SPTLC3: variants seen among roughly 807,000 people sequenced by gnomAD.
The protein encoded by SPTLC3 is serine palmitoyltransferase 3.
A neutral mutation model predicts 59.3 loss-of-function variants in SPTLC3; 36 were observed. The ratio of observed to expected loss-of-function variants is 0.61; its 90% confidence interval spans 0.47 to 0.80. SPTLC3 has a LOEUF of 0.80. SPTLC3 is among the 30% of genes least tolerant of loss of function. SPTLC3 has a pLI of 0.00. For missense variants in SPTLC3, 625 were observed against 685.1 expected, an observed-to-expected ratio of 0.91 and a Z score of 0.98; for synonymous variants, 257 against 240.8, an observed-to-expected ratio of 1.07 and a Z score of -0.62.
At chr20:13,017,119 G>C (rs2122371560) in intron 1 of SPTLC3, among the ~76,000 whole-genome samples, 1 of 152,312 alleles carries the variant, frequency 6.6e-6, no homozygotes. Flanking sequence ...GGGGCCAGCA[G>C]ACACAGCCTT....
intron 10 of SPTLC3, among the ~76,000 whole-genome samples, chr20:13,157,963 A>T (rs955728216): frequency 2.6e-5 from 4 of 152,244 alleles, no homozygotes; most frequent in Non-Finnish European, 5.9e-5. Context: ...TATAGTCTGT[A>T]GCCAGTTATC....
intron 2 of SPTLC3, among the ~76,000 whole-genome samples, chr20:13,057,083 A>G (rs770512061): frequency 5.9e-5 from 9 of 152,190 alleles, no homozygotes; most frequent in Non-Finnish European, 1.3e-4. Context: ...TACATCTGAT[A>G]GTATTCTTGC....
intron 11 of SPTLC3, 60 bp downstream of exon 11, chr20:13,160,192 C>A: frequency 6.5e-7 from 1 of 1,526,938 alleles, no homozygotes; most frequent in Non-Finnish European, 8.9e-7. Context: ...AAAGCAAGTC[C>A]TTTTGTTGAG....
At chr20:13,148,839 T>C (rs1276170727) in intron 9 of SPTLC3, among the ~76,000 whole-genome samples, 1 of 152,220 alleles carries the variant, frequency 6.6e-6, no homozygotes, top group Non-Finnish European at 1.5e-5. Context: ...GAGGTGGCAC[T>C]GAGGCTGCAG....
intron 2 of SPTLC3, among the ~76,000 whole-genome samples, chr20:13,068,164 G>T (rs948512684): frequency 6.6e-6 from 1 of 152,064 alleles, no homozygotes; most frequent in African/African-American, 2.4e-5. Context: ...CAAATATAAA[G>T]ATTGAAAAAT....
intron 9 of SPTLC3, among the ~76,000 whole-genome samples, chr20:13,141,156 C>T (rs1366457229): frequency 3.3e-5 from 5 of 152,212 alleles, no homozygotes; most frequent in Non-Finnish European, 1.5e-5. Flanking sequence ...GGAATTTTCT[C>T]TTTCCTACTG....
chr20:13,009,636 A>G (rs1393025345), intron 1 of SPTLC3, among the ~76,000 whole-genome samples: 2 of 152,212 alleles, frequency 1.3e-5, no homozygotes, highest in Non-Finnish European at 2.9e-5. Flanking sequence ...TAAAATACAA[A>G]TGTACCTACT....
chr20:13,034,031 G>C (rs1014001346), intron 1 of SPTLC3, among the ~76,000 whole-genome samples: 1 of 152,146 alleles, frequency 6.6e-6, no homozygotes, highest in Non-Finnish European at 1.5e-5. Context: ...AGCAGGGTGT[G>C]AAGTGAGAGC....
chr20:13,014,421 C>T (rs1213484243), intron 1 of SPTLC3, among the ~76,000 whole-genome samples: 1 of 152,130 alleles, frequency 6.6e-6, no homozygotes, highest in Non-Finnish European at 1.5e-5. Context: ...AAAGGCATTC[C>T]AGCAGAGGGA....
At chr20:13,155,686 C>A (rs936336933) in intron 10 of SPTLC3, among the ~76,000 whole-genome samples, 1 of 151,562 alleles carries the variant, frequency 6.6e-6, no homozygotes, top group Admixed American at 6.6e-5. Flanking sequence ...ACTAGCCGGG[C>A]GTGGTGGTGG....
intron 10 of SPTLC3, among the ~76,000 whole-genome samples, chr20:13,155,364 G>A (rs1280477197): frequency 6.6e-6 from 1 of 152,130 alleles, no homozygotes; most frequent in Non-Finnish European, 1.5e-5. Context: ...CTAATAGCCT[G>A]ACTAGATTGG....
chr20:13,123,372 T>G (rs969981910), intron 8 of SPTLC3, among the ~76,000 whole-genome samples: 1 of 152,104 alleles, frequency 6.6e-6, no homozygotes, highest in African/African-American at 2.4e-5. Context: ...ATTCACTGTT[T>G]CACTGTGTAC....
chr20:13,116,800 C>T (rs547866457), intron 7 of SPTLC3, among the ~76,000 whole-genome samples: 11 of 152,326 alleles, frequency 7.2e-5, no homozygotes, highest in East Asian at 3.9e-4. Flanking sequence ...CAAAAATGCA[C>T]GTTCTCAGCC....
intron 6 of SPTLC3, among the ~76,000 whole-genome samples, chr20:13,104,710 G>A (rs1040640571): frequency 3.3e-5 from 5 of 152,254 alleles, no homozygotes; most frequent in African/African-American, 1.2e-4. Flanking sequence ...TTTTAAGTCC[G>A]TGGTGTGTCA....
intron 9 of SPTLC3, among the ~76,000 whole-genome samples, chr20:13,143,886 A>G (rs2038444687): frequency 1.3e-5 from 2 of 151,962 alleles, no homozygotes; most frequent in African/African-American, 4.8e-5. Context: ...CTCCTCGCCC[A>G]TTTCAGACAT....
chr20:13,071,746 G>C (rs1988444098), intron 2 of SPTLC3, among the ~76,000 whole-genome samples: 1 of 152,180 alleles, frequency 6.6e-6, no homozygotes, highest in African/African-American at 2.4e-5. Flanking sequence ...CCTCAGCTGT[G>C]AGAGAGGCCC....
At chr20:13,105,611 G>A (rs1310456965) in intron 6 of SPTLC3, among the ~76,000 whole-genome samples, 4 of 152,096 alleles carry the variant, frequency 2.6e-5, no homozygotes, top group African/African-American at 9.7e-5. Context: ...AGTGGCCTCT[G>A]AATTTACATA....
chr20:13,130,675 A>T (rs1271664551), intron 9 of SPTLC3, among the ~76,000 whole-genome samples: 2 of 152,158 alleles, frequency 1.3e-5, no homozygotes, highest in African/African-American at 2.4e-5. Flanking sequence ...ATGCACCAAG[A>T]CCCTTTTAAT....
At chr20:13,123,417 A>G (rs1390554551) in intron 8 of SPTLC3, among the ~76,000 whole-genome samples, 2 of 151,916 alleles carry the variant, frequency 1.3e-5, no homozygotes, top group East Asian at 1.9e-4. Flanking sequence ...ATATGTATTC[A>G]CCCATTTCAT....
Sources: allele counts gnomAD v4.1 joint callset (sites outside exome capture counted in the v4.1 genomes callset), GRCh38; gene constraint gnomAD v4.1.1; transcripts MANE v1.5; gene names NCBI Gene and HGNC (gene_info 2026-07-23, HGNC 2026-07-21).